The following SLCO5A1 variants were observed in gnomAD, a reference collection of about 807,000 sequenced individuals.
SLCO5A1 encodes solute carrier organic anion transporter family member 5A1.
In SLCO5A1, 39 loss-of-function variants were observed where a neutral mutation model predicts 65.1. The ratio of observed to expected loss-of-function variants is 0.60; its 90% CI spans 0.46 to 0.78. The LOEUF is 0.78. Ranked by LOEUF, SLCO5A1 falls within the 30% of genes least tolerant of loss-of-function variation. SLCO5A1 has a pLI of 0.00. For synonymous variants in SLCO5A1, 438 were observed against 415.7 expected (o/e 1.05, Z -0.65); for missense variants, 1,029 against 1,069.4 (o/e 0.96, Z 0.53).
Position 69,831,804 on chromosome 8 carries a change from A to G in SLCO5A1, c.870T>C (p.Asp290=), listed in dbSNP as rs141103530. 10 of 1,614,014 alleles carry G rather than the reference A, an allele frequency of 6.2e-6. No homozygotes were observed. The highest frequency in any genetic ancestry group is 7.6e-6 in the Non-Finnish European group (9 of 1,180,044). Reference sequence around the variant, plus strand: ...AGGAGTTTTCTTTCTTGACATTGTCATCTAAGTAGGTTGGTCCCAGGGTAT... The same window carrying G: ...AGGAGTTTTCTTTCTTGACATTGTCGTCTAAGTAGGTTGGTCCCAGGGTAT... ...PIYTLGPTYL[D]DNVKKENSSL... The change falls in exon 2 of 10, where the codon GAT becomes GAC. Residue 290 remains aspartate, a synonymous_variant. Coordinates refer to ENST00000260126, the MANE Select transcript of SLCO5A1 (RefSeq NM_030958.3).
intron 2 of SLCO5A1, among the ~76,000 whole-genome samples, chr8:69,828,389 T>G (rs887197592): frequency 1.6e-4 from 25 of 151,896 alleles, no homozygotes; most frequent in Admixed American, 1.3e-4. Flanking sequence ...GATCACGAGG[T>G]CAGGAGATTG....
chr8:69,720,537 T>A (rs1174572091), intron 5 of SLCO5A1, among the ~76,000 whole-genome samples: 1 of 152,254 alleles, frequency 6.6e-6, no homozygotes, highest in African/African-American at 2.4e-5. Context: ...AGATGGGAAC[T>A]GAGAGTGGCC....
At chr8:69,752,844 A>C (rs1203007866) in intron 4 of SLCO5A1, among the ~76,000 whole-genome samples, 1 of 152,164 alleles carries the variant, frequency 6.6e-6, no homozygotes, top group African/African-American at 2.4e-5. Flanking sequence ...AAAAAAGGAG[A>C]CTTTATCAAA....
At position 69,672,617 on chromosome 8, in the gene SLCO5A1, G is replaced by C. The variant is rs146288968; in HGVS notation, c.*252C>G. The C allele has an allele frequency of 1.7e-4, 89 of 512,254 alleles. No individual in the cohort carries two copies. The East Asian group carries it at 2.3e-3, about 13-fold the overall frequency. The allele number at this position is 512,254 out of a possible 1,614,324, so 31.7% of individuals were successfully genotyped here. ...TGTACCGTAGGGGAGCATGAGCTTT[G>C]AATTAACACAACGGAAATGGGAACA... On this transcript the variant is annotated 3_prime_UTR_variant, in exon 10 of 10. Coordinates refer to ENST00000260126, the MANE Select transcript of SLCO5A1 (RefSeq NM_030958.3).
chr8:69,743,578 A>G (rs1816895129), intron 4 of SLCO5A1, among the ~76,000 whole-genome samples: 1 of 152,216 alleles, frequency 6.6e-6, no homozygotes, highest in African/African-American at 2.4e-5. Context: ...TCAAGTGGGC[A>G]GAGAGACGAA....
At chr8:69,748,309 A>G (rs1222638725) in intron 4 of SLCO5A1, among the ~76,000 whole-genome samples, 2 of 152,182 alleles carry the variant, frequency 1.3e-5, no homozygotes, top group Non-Finnish European at 2.9e-5. Flanking sequence ...GTATGTTCAC[A>G]TATCTTTCTA....
At chr8:69,777,911 C>A (rs1818626811) in intron 2 of SLCO5A1, among the ~76,000 whole-genome samples, 1 of 152,202 alleles carries the variant, frequency 6.6e-6, no homozygotes, top group African/African-American at 2.4e-5. Flanking sequence ...CCCTTCATCT[C>A]ATCACACAGA....
At chr8:69,771,145 C>T (rs12548226) in intron 2 of SLCO5A1, among the ~76,000 whole-genome samples, 4 of 151,976 alleles carry the variant, frequency 2.6e-5, no homozygotes, top group Admixed American at 6.6e-5. Flanking sequence ...CCACCACGCC[C>T]GGCTAATTTT....
chr8:69,820,899 G>C lies in SLCO5A1; in HGVS notation c.907+10868C>G, dbSNP rs116242839. 2.7e-3 allele frequency among the ~76,000 whole-genome samples: 413 copies of C among 152,246 alleles called. 1 individual carries two copies. Among genetic ancestry groups the C allele is most frequent in the African/African-American group, 7.0e-3 (293 of 41,564 alleles). Reference sequence around the variant, plus strand: ...AAATGTTATAGCAAGAGAAACAAATGTAGTAATCCCCAGGCAGAAACAGGC... The same window carrying C: ...AAATGTTATAGCAAGAGAAACAAATCTAGTAATCCCCAGGCAGAAACAGGC... On this transcript the variant is annotated intron_variant, in intron 2 of 9. Transcript: ENST00000260126.
chr8:69,667,941 C>T lies in SLCO5A1; in HGVS notation c.*4928G>A, dbSNP rs1450356986. 1 of 152,148 alleles carries T rather than the reference C, an allele frequency of 6.6e-6. No homozygotes were observed. The highest frequency in any genetic ancestry group is 1.5e-5 in the Non-Finnish European group (1 of 68,010). 9.4% of individuals were successfully genotyped at this position (152,148 alleles called of 1,614,324 possible). The stretch of plus-strand genomic sequence containing the variant: ...GTTTTCTGGAAAATTCTTCAGATTT[C>T]CAAACACAAAGTACATGCAGCCACT... On this transcript the variant is annotated 3_prime_UTR_variant, in exon 10 of 10. Coordinates refer to ENST00000260126, the MANE Select transcript of SLCO5A1 (RefSeq NM_030958.3).
In SLCO5A1 at chr8:69,832,249, G is replaced by A; in HGVS notation, c.425C>T (p.Ala142Val). The stretch of plus-strand genomic sequence containing the variant: ...GCTCAGGTACCCAGAGACCATTAAC[G>A]CCTGGATGAAGGTCAGAAAGCACAT... ...VCMCFLTFIQ[A>V]LMVSGYLSSV... Residue 142 changes from alanine (A) to valine (V), a missense_variant, in exon 2 of 10, where the codon GCG becomes GTG. Around this residue, in one of 3 missense-constraint regions of SLCO5A1, gnomAD observed 647 missense variants for 647.5 expected, o/e 1.00. Transcript: ENST00000260126. This position sits in a 1 kb window ranked among gnomAD's most constrained non-coding sequence, Gnocchi z 4.5. 1 of 1,614,158 alleles carries A rather than the reference G, an allele frequency of 6.2e-7. No individual in the cohort carries two copies. The highest frequency in any genetic ancestry group is 8.5e-7 in the Non-Finnish European group (1 of 1,180,026).
chr8:69,779,502 T>C (rs2130881338), intron 2 of SLCO5A1, among the ~76,000 whole-genome samples: 1 of 152,318 alleles, frequency 6.6e-6, no homozygotes, highest in African/African-American at 2.4e-5. Flanking sequence ...TAATTGAACC[T>C]TAATTCATGC....
At chr8:69,725,805 C>G (rs1816042488) in intron 5 of SLCO5A1, among the ~76,000 whole-genome samples, 1 of 152,222 alleles carries the variant, frequency 6.6e-6, no homozygotes, top group East Asian at 1.9e-4. Context: ...CAGAAACGCT[C>G]CTACGTCTGC....
chr8:69,693,605 C>A (rs953086198), intron 6 of SLCO5A1, among the ~76,000 whole-genome samples: 28 of 152,206 alleles, frequency 1.8e-4, no homozygotes, highest in African/African-American at 7.2e-5. Flanking sequence ...AACCCTAGCT[C>A]AGCCATTTTC....
chr8:69,831,800 T>G lies in SLCO5A1; in HGVS notation c.874A>C (p.Asn292His). ...YTLGPTYLDD[N>H]VKKENSSLYL... ...AAGGAGGAGTTTTCTTTCTTGACAT[T>G]GTCATCTAAGTAGGTTGGTCCCAGG... The change falls in exon 2 of 10, where the codon AAT becomes CAT. Residue 292 changes from asparagine (N) to histidine (H), a missense_variant. This residue lies in a region of SLCO5A1 where 647 missense variants were observed against 647.5 expected (regional missense o/e 1.00). Transcript: ENST00000260126. 6.2e-7 allele frequency: 1 copy of G among 1,614,052 alleles called. No individual in the cohort carries two copies. Among genetic ancestry groups the G allele is most frequent in the Non-Finnish European group, 8.5e-7 (1 of 1,180,002 alleles).
At chr8:69,778,557 T>C (rs887257116) in intron 2 of SLCO5A1, among the ~76,000 whole-genome samples, 1 of 152,168 alleles carries the variant, frequency 6.6e-6, no homozygotes, top group Admixed American at 6.5e-5. Flanking sequence ...TTTGGTGTTT[T>C]CCTTATAACT....
intron 5 of SLCO5A1, among the ~76,000 whole-genome samples, chr8:69,706,372 AATACTTC>A (rs1284881565): frequency 2.0e-5 from 3 of 152,212 alleles, no homozygotes; most frequent in Admixed American, 2.0e-4. Flanking sequence ...GGTGCTGAAA[AATACTTC>A]ATGCCATGAC....
In SLCO5A1 at chr8:69,738,024, A is replaced by G. The variant is rs754131621; in HGVS notation, c.1423+16T>C. On this transcript the variant is annotated intron_variant, in intron 5 of 9. Transcript: ENST00000260126. ...AATGATCATGTTTTCAAGCAGCCCTAGCGGCAGTGCCTTACCAGTGTAGAT... is the reference window on the plus strand; with the variant it reads ...AATGATCATGTTTTCAAGCAGCCCTGGCGGCAGTGCCTTACCAGTGTAGAT... The G allele has an allele frequency of 2.5e-6, 4 of 1,610,966 alleles. No individual in the cohort carries two copies. The Admixed American group carries it at 5.0e-5, about 20-fold the overall frequency.
intron 6 of SLCO5A1, among the ~76,000 whole-genome samples, chr8:69,698,705 A>C (rs1814599105): frequency 6.6e-6 from 1 of 152,164 alleles, no homozygotes; most frequent in Non-Finnish European, 1.5e-5. Flanking sequence ...AATGGGGCTG[A>C]TAATTTTTTA....
Sources: allele counts gnomAD v4.1 joint callset (sites outside exome capture counted in the v4.1 genomes callset), GRCh38; gene constraint gnomAD v4.1.1; regional missense constraint gnomAD v4.1.1; non-coding constraint Gnocchi (gnomAD v3.1); transcripts MANE v1.5; gene names NCBI Gene and HGNC (gene_info 2026-07-23, HGNC 2026-07-21).